Variants in PEPD observed in about 807,000 individuals in gnomAD.
PEPD encodes the protein peptidase D.
A neutral mutation model predicts 60.7 loss-of-function variants in PEPD; 53 were observed. The observed-to-expected ratio is 0.87, with a 90% CI of 0.70 to 1.10. The LOEUF is 1.10. Among genes scored for constraint, PEPD ranks in the 50% least tolerant of loss-of-function variants. The pLI is 0.00. For missense variants in PEPD, 711 were observed against 711.9 expected (o/e 1.00, Z 0.01); for synonymous variants, 267 against 284.1 (o/e 0.94, Z 0.60).
chr19:33,478,126 A>G lies in PEPD; in HGVS notation c.504-36T>C, dbSNP rs775561400. On this transcript the variant is annotated intron_variant, in intron 6 of 14. Transcript: ENST00000244137. Reference sequence around the variant, plus strand: ...AAAAGAAATCAAGCCCATTAATCCAACGGTCTGTCATGTCCCAGCAAGAAC... The same window carrying G: ...AAAAGAAATCAAGCCCATTAATCCAGCGGTCTGTCATGTCCCAGCAAGAAC... 1.6e-5 allele frequency: 23 copies of G among 1,474,678 alleles called. No individual in the cohort carries two copies. In the African/African-American group the frequency reaches 2.6e-4, roughly 17 times the overall value. 91.3% of individuals were successfully genotyped at this position (1,474,678 alleles called of 1,614,324 possible). A position where few individuals can be genotyped will look rare whatever the true frequency, so the allele number is the denominator to read the frequency against.
intron 9 of PEPD, among the ~76,000 whole-genome samples, chr19:33,450,062 G>A (rs965574116): frequency 2.6e-5 from 4 of 152,198 alleles, no homozygotes; most frequent in Admixed American, 1.3e-4. Flanking sequence ...CTCTGTCTCC[G>A]CAGATCTGTC....
At chr19:33,428,738 G>A (rs762918366) in intron 9 of PEPD, among the ~76,000 whole-genome samples, 9 of 152,184 alleles carry the variant, frequency 5.9e-5, no homozygotes, top group Non-Finnish European at 7.3e-5. Context: ...CAGTCTTGAA[G>A]GGCACTCCTA....
intron 9 of PEPD, among the ~76,000 whole-genome samples, chr19:33,424,071 G>A (rs1302434127): frequency 6.6e-6 from 1 of 152,224 alleles, no homozygotes; most frequent in African/African-American, 2.4e-5. Flanking sequence ...TACATAATAA[G>A]GGTGGTTGGG....
intron 9 of PEPD, among the ~76,000 whole-genome samples, chr19:33,436,799 T>TG (rs1969386191): frequency 6.6e-6 from 1 of 152,122 alleles, no homozygotes; most frequent in Non-Finnish European, 1.5e-5. Flanking sequence ...CATGCCTAGC[T>TG]CTCTGGGTGC....
chr19:33,388,297 CACA>C (rs201218645), intron 13 of PEPD: 11,318 of 691,884 alleles, frequency 0.016, 144 homozygotes, highest in Non-Finnish European at 0.024. Flanking sequence ...TGTCCCTGGC[CACA>C]CTACCCTAGG....
At chr19:33,513,367 TCAGCAGGCAGAA>T (rs1339654337) in intron 1 of PEPD, among the ~76,000 whole-genome samples, 1 of 151,936 alleles carries the variant, frequency 6.6e-6, no homozygotes, top group Non-Finnish European at 1.5e-5. Context: ...TCAGCCACCC[TCAGCAGGCAGAA>T]GATGCACCTG....
intron 9 of PEPD, among the ~76,000 whole-genome samples, chr19:33,435,914 G>T (rs901879136): frequency 2.6e-5 from 4 of 152,138 alleles, no homozygotes; most frequent in South Asian, 4.1e-4. Context: ...GGTGGAAGGT[G>T]GGGGCATGGG....
chr19:33,470,533 T>C (rs1568487937), intron 7 of PEPD, among the ~76,000 whole-genome samples: 1 of 152,122 alleles, frequency 6.6e-6, no homozygotes, highest in Non-Finnish European at 1.5e-5. Flanking sequence ...AAATCCCTTC[T>C]CTGTGTTCCC....
chr19:33,410,284 CAG>C (rs1968734339), intron 11 of PEPD, among the ~76,000 whole-genome samples: 1 of 152,278 alleles, frequency 6.6e-6, no homozygotes, highest in African/African-American at 2.4e-5. Flanking sequence ...TGAGCTGGAA[CAG>C]CTCATCAGCT....
intron 12 of PEPD, among the ~76,000 whole-genome samples, chr19:33,391,892 T>A (rs1325083963): frequency 1.3e-5 from 2 of 152,178 alleles, no homozygotes; most frequent in Non-Finnish European, 2.9e-5. Flanking sequence ...ACCAGGAGAC[T>A]CTGTGGGCTC....
intron 9 of PEPD, among the ~76,000 whole-genome samples, chr19:33,414,341 G>A (rs1340503352): frequency 6.6e-6 from 1 of 152,232 alleles, no homozygotes; most frequent in Non-Finnish European, 1.5e-5. Flanking sequence ...CTGGCCCCAG[G>A]CTAAGCCCAG....
rs1968095643 is a variant in PEPD at position 33,387,354 on chromosome 19, C to G, written c.1472G>C (p.Gly491Ala). ...GATTTCTGGCTGGCTCTACTTGGGG[C>G]CAGAGAAGGGGGTAAAGGCCTTGTC... ...GCDKAFTPFS[G>A]PK The change falls in exon 15 of 15, where the codon GGC becomes GCC. Residue 491 changes from glycine (G) to alanine (A), a missense_variant. Coordinates refer to ENST00000244137, the MANE Select transcript of PEPD (RefSeq NM_000285.4). 2 of 1,613,794 alleles carry G rather than the reference C, an allele frequency of 1.2e-6. No individual in the cohort carries two copies. The highest frequency in any genetic ancestry group is 1.7e-6 in the Non-Finnish European group (2 of 1,180,030).
intron 11 of PEPD, among the ~76,000 whole-genome samples, chr19:33,409,402 C>T (rs1417303589): frequency 6.6e-6 from 1 of 152,206 alleles, no homozygotes; most frequent in African/African-American, 2.4e-5. Context: ...GGCACCGTGG[C>T]TCACATCTGT....
chr19:33,401,364 T>C (rs1242137534), intron 12 of PEPD, among the ~76,000 whole-genome samples: 1 of 152,224 alleles, frequency 6.6e-6, no homozygotes, highest in African/African-American at 2.4e-5. Flanking sequence ...TCTGACCCCA[T>C]GCCAGTGTCC....
intron 9 of PEPD, among the ~76,000 whole-genome samples, chr19:33,461,952 C>T (rs528620130): frequency 6.6e-6 from 1 of 152,332 alleles, no homozygotes; most frequent in East Asian, 1.9e-4. Flanking sequence ...GAGAGAAGCA[C>T]AGGCACTGAC....
At chr19:33,500,810 G>T in intron 4 of PEPD, 128 bp downstream of exon 4, 1 of 760,062 alleles carries the variant, frequency 1.3e-6, no homozygotes, top group East Asian at 2.4e-5. Flanking sequence ...CTGCGGCGCA[G>T]GGACTGGTGG....
chr19:33,431,991 T>TTAAAAAAAAAAAAAAAAAAAA, intron 9 of PEPD, among the ~76,000 whole-genome samples: 1 of 27,576 alleles, frequency 3.6e-5, no homozygotes, highest in South Asian at 8.1e-4. Context: ...AGACACCACC[T>TTAAAAAAAAAAAAAAAAAAAA]CAAAAAAAAA....
intron 9 of PEPD, among the ~76,000 whole-genome samples, chr19:33,449,824 G>A (rs73590204): frequency 0.012 from 1,815 of 152,286 alleles, 38 homozygotes; most frequent in African/African-American, 0.041. Flanking sequence ...TGATAAGGAA[G>A]CCACAGAGAA....
At chr19:33,418,252 C>T (rs1341573050) in intron 9 of PEPD, among the ~76,000 whole-genome samples, 1 of 152,234 alleles carries the variant, frequency 6.6e-6, no homozygotes, top group Non-Finnish European at 1.5e-5. Context: ...TTTCTGGGTA[C>T]ACATGACCAT....
Sources: gnomAD v4.1 joint callset for allele counts (sites outside exome capture counted in the v4.1 genomes callset) on GRCh38, gnomAD v4.1.1 for gene constraint, MANE v1.5 for transcripts, NCBI Gene and HGNC (gene_info 2026-07-23, HGNC 2026-07-21) for gene names.